Variants in ADGRL3 observed in about 807,000 individuals in gnomAD.
ADGRL3 encodes adhesion G protein-coupled receptor L3.
Under a neutral mutation model 153.5 loss-of-function variants are expected in ADGRL3, and 62 were observed. The ratio of observed to expected loss-of-function variants is 0.40; its 90% confidence interval spans 0.33 to 0.50. The LOEUF is 0.50. ADGRL3 is among the 20% of genes least tolerant of loss of function. ADGRL3 has a pLI of 0.47. For missense variants in ADGRL3, 1,641 were observed against 1,859.4 expected (o/e 0.88, Z 2.16); for synonymous variants, 710 against 672.5 (o/e 1.06, Z -0.86).
intron 4 of ADGRL3, among the ~76,000 whole-genome samples, chr4:61,560,057 GGCTTCCCTAT>G (rs2098788134): frequency 6.6e-6 from 1 of 151,928 alleles, no homozygotes; most frequent in Non-Finnish European, 1.5e-5. Flanking sequence ...TCTTTAAAAA[GGCTTCCCTAT>G]GCCTTACTCC....
chr4:61,887,065 A>G (rs10021402), intron 9 of ADGRL3, among the ~76,000 whole-genome samples: 36,048 of 151,662 alleles, frequency 0.24, 5,049 homozygotes, highest in Admixed American at 0.35. Flanking sequence ...GGGTTTCACT[A>G]TGTTGGCCAG....
intron 6 of ADGRL3, chr4:61,677,496 T>C (rs552692733): frequency 2.7e-4 from 56 of 205,104 alleles, no homozygotes; most frequent in African/African-American, 1.3e-3. Context: ...TTATCAGATA[T>C]GGTATATGCC....
At chr4:61,227,162 T>G (rs1033105008) in intron 1 of ADGRL3, among the ~76,000 whole-genome samples, 1 of 152,208 alleles carries the variant, frequency 6.6e-6, no homozygotes, top group Non-Finnish European at 1.5e-5. Context: ...TAAAAATGTC[T>G]GCAGAAGATG....
At chr4:61,477,409 A>G (rs1281337179) in intron 2 of ADGRL3, among the ~76,000 whole-genome samples, 1 of 152,134 alleles carries the variant, frequency 6.6e-6, no homozygotes, top group East Asian at 1.9e-4. Context: ...ACACAATTTT[A>G]TGCAAAAGAA....
At chr4:61,748,962 C>G (rs2096713336) in intron 8 of ADGRL3, among the ~76,000 whole-genome samples, 1 of 151,440 alleles carries the variant, frequency 6.6e-6, no homozygotes, top group African/African-American at 2.4e-5. Flanking sequence ...ACCTACTCAT[C>G]TGACAAAGGG....
At chr4:61,526,346 T>C in intron 4 of ADGRL3, among the ~76,000 whole-genome samples, 1 of 152,246 alleles carries the variant, frequency 6.6e-6, no homozygotes, top group African/African-American at 2.4e-5. Context: ...TTTTATGTGA[T>C]AGAAATGAGG....
At chr4:62,026,766 A>G (rs1182024547) in intron 21 of ADGRL3, among the ~76,000 whole-genome samples, 1 of 151,990 alleles carries the variant, frequency 6.6e-6, no homozygotes, top group Non-Finnish European at 1.5e-5. Context: ...TGTATTGTGT[A>G]TGGGATTCAC....
In ADGRL3 at chr4:61,781,331, C is replaced by CAAAAAAAAAAAAA. The variant is rs71281828; in HGVS notation, c.1400-32474_1400-32462dup. On this transcript the variant is annotated intron_variant, in intron 8 of 26. Coordinates refer to ENST00000683033, the MANE Select transcript of ADGRL3 (RefSeq NM_001387552.1). ...GGCAAAAAGAGCAAAATTCTGCCTC[C>CAAAAAAAAAAAAA]AAAAAAAAAAAAAAAAGAAAAGAAA... Among the ~76,000 whole-genome samples the CAAAAAAAAAAAAA allele has an allele frequency of 8.9e-3, 568 of 63,802 alleles. 5 individuals are homozygous for CAAAAAAAAAAAAA. Among genetic ancestry groups the CAAAAAAAAAAAAA allele is most frequent in the African/African-American group, 0.026 (380 of 14,712 alleles). 41.9% of individuals were successfully genotyped at this position (63,802 alleles called of 152,430 possible). A position where few individuals can be genotyped will look rare whatever the true frequency, so the allele number is the denominator to read the frequency against.
At chr4:61,917,837 G>A (rs1236254518) in intron 13 of ADGRL3, among the ~76,000 whole-genome samples, 1 of 152,206 alleles carries the variant, frequency 6.6e-6, no homozygotes, top group Non-Finnish European at 1.5e-5. Flanking sequence ...ATTCCTGTTG[G>A]TGATGAAGGA....
intron 8 of ADGRL3, among the ~76,000 whole-genome samples, chr4:61,762,052 G>A (rs1052108950): frequency 2.0e-5 from 3 of 152,202 alleles, no homozygotes; most frequent in African/African-American, 7.2e-5. Flanking sequence ...TTGGCCTGCT[G>A]CTAATTGTGA....
At chr4:61,490,415 G>A (rs2098245697) in intron 2 of ADGRL3, among the ~76,000 whole-genome samples, 1 of 151,614 alleles carries the variant, frequency 6.6e-6, no homozygotes, top group African/African-American at 2.4e-5. Flanking sequence ...CAGGAATTAT[G>A]CCTTGTATAT....
intron 25 of ADGRL3, among the ~76,000 whole-genome samples, chr4:62,060,245 A>C: frequency 6.6e-6 from 1 of 151,994 alleles, no homozygotes; most frequent in East Asian, 1.9e-4. Flanking sequence ...TATTTAAGAC[A>C]AAGAAATATT....
intron 17 of ADGRL3, among the ~76,000 whole-genome samples, chr4:61,951,788 C>T (rs1317515374): frequency 2.0e-5 from 3 of 151,932 alleles, no homozygotes; most frequent in Non-Finnish European, 4.4e-5. Flanking sequence ...TCACTTGAGC[C>T]CAGGAAGCAG....
At chr4:61,516,647 C>A (rs1308009762) in intron 3 of ADGRL3, among the ~76,000 whole-genome samples, 1 of 151,768 alleles carries the variant, frequency 6.6e-6, no homozygotes, top group African/African-American at 2.4e-5. Flanking sequence ...GTAATATGTA[C>A]CATTTGTCAG....
At chr4:61,559,548 C>T (rs547586918) in intron 4 of ADGRL3, among the ~76,000 whole-genome samples, 30 of 152,190 alleles carry the variant, frequency 2.0e-4, no homozygotes, top group South Asian at 2.1e-4. Flanking sequence ...ATAGTCAGTG[C>T]GTCTGACACA....
intron 4 of ADGRL3, chr4:61,583,841 AG>A (rs2098935722): frequency 2.1e-6 from 1 of 476,262 alleles, no homozygotes; most frequent in Non-Finnish European, 4.2e-6. Context: ...ATGGAATAAA[AG>A]TGGTAAGGAG....
intron 21 of ADGRL3, among the ~76,000 whole-genome samples, chr4:62,027,580 A>G (rs556865034): frequency 6.6e-6 from 1 of 151,964 alleles, no homozygotes; most frequent in Non-Finnish European, 1.5e-5. Context: ...TTACTGCATC[A>G]TATTACTCCT....
rs1739777281 is a variant in ADGRL3 at position 62,060,962 on chromosome 4, A to G, written c.3815-7204A>G. Among the ~76,000 whole-genome samples, 3 of 151,934 alleles carry G rather than the reference A, an allele frequency of 2.0e-5. No individual in the cohort carries two copies. In the South Asian group the frequency reaches 6.2e-4, roughly 31 times the overall value. ...GTTCTATGCTAATTCTTTGCAGGAA[A>G]TACAGGATGCAATCACATGAGTTAT... On this transcript the variant is annotated intron_variant, in intron 25 of 26. Coordinates refer to ENST00000683033, the MANE Select transcript of ADGRL3 (RefSeq NM_001387552.1).
At chr4:61,913,543 G>T (rs1228303234) in intron 13 of ADGRL3, among the ~76,000 whole-genome samples, 1 of 152,104 alleles carries the variant, frequency 6.6e-6, no homozygotes, top group East Asian at 1.9e-4. Flanking sequence ...ATACCCTCAA[G>T]AACCAAATTA....
Sources: allele counts gnomAD v4.1 joint callset (sites outside exome capture counted in the v4.1 genomes callset), GRCh38; gene constraint gnomAD v4.1.1; transcripts MANE v1.5; gene names NCBI Gene and HGNC (gene_info 2026-07-23, HGNC 2026-07-21).